Variants in LPIN2 observed in about 807,000 individuals in gnomAD.
LPIN2 encodes the protein lipin 2, also known as phosphatidate phosphatase LPIN2.
LPIN2 carries 55 observed loss-of-function variants against 111.4 expected under a neutral mutation model. The observed-to-expected ratio is 0.49, with a 90% CI of 0.40 to 0.62. The LOEUF (loss-of-function observed/expected upper bound fraction) is 0.62. Among genes scored for constraint, LPIN2 ranks in the 20% least tolerant of loss-of-function variants. LPIN2 has a pLI of 0.00. For missense variants in LPIN2, 992 were observed against 1,112.1 expected (o/e 0.89, Z 1.54); for synonymous variants, 425 against 414.0 (o/e 1.03, Z -0.32).
At chr18:2,968,503 T>C (rs550949413) in intron 1 of LPIN2, among the ~76,000 whole-genome samples, 1 of 152,252 alleles carries the variant, frequency 6.6e-6, no homozygotes, top group Non-Finnish European at 1.5e-5. Flanking sequence ...ATATAACAAA[T>C]ACTGTCTTAT....
chr18:2,948,287 CCAAGCCAG>C (rs2077484924), intron 4 of LPIN2: 1 of 152,204 alleles, frequency 6.6e-6, no homozygotes, highest in East Asian at 1.9e-4. Flanking sequence ...TGCCTGCTTA[CCAAGCCAG>C]CAAGCTGCTG....
At chr18:2,984,011 A>C (rs955040807) in intron 1 of LPIN2, among the ~76,000 whole-genome samples, 1 of 152,230 alleles carries the variant, frequency 6.6e-6, no homozygotes, top group Non-Finnish European at 1.5e-5. Context: ...TTAATTCATC[A>C]ACAATATACT....
intron 12 of LPIN2, among the ~76,000 whole-genome samples, chr18:2,927,436 C>A (rs1373547999): frequency 6.6e-6 from 1 of 152,198 alleles, no homozygotes; most frequent in Non-Finnish European, 1.5e-5. Context: ...TGGAGTCAGA[C>A]TCAAGGTCTT....
Position 2,966,089 on chromosome 18 carries a change from C to T in LPIN2, c.-9-5240G>A, listed in dbSNP as rs142307472. Reference sequence around the variant, plus strand: ...AAGCTGGGACTACAGGAATGTGCTACCATGCCCAGCTAATTCTTGTATTTT... The same window carrying T: ...AAGCTGGGACTACAGGAATGTGCTATCATGCCCAGCTAATTCTTGTATTTT... On this transcript the variant is annotated intron_variant, in intron 1 of 19. Transcript: ENST00000677752. Among the ~76,000 whole-genome samples the T allele has an allele frequency of 2.9e-3, 445 of 152,140 alleles. 3 individuals are homozygous for T. Among genetic ancestry groups the T allele is most frequent in the African/African-American group, 0.01 (435 of 41,492 alleles).
rs771517419 is a variant in LPIN2, at chr18:2,925,259, A to G, written c.1903T>C (p.Tyr635His). Reference sequence around the variant, plus strand: ...GAGGAGAGGCGGAGAGACTTCTTATATGAAGTTGTGCTGCCGTGGCTCAGG... The same window carrying G: ...GAGGAGAGGCGGAGAGACTTCTTATGTGAAGTTGTGCTGCCGTGGCTCAGG... ...EPLSHGSTTS[Y>H]KKSLRLSSDQ... The change falls in exon 14 of 20, where the codon TAT (tyrosine) becomes CAT (histidine). Residue 635 changes from tyrosine (Y) to histidine (H), a missense_variant. By Grantham distance (83) the Tyr-to-His change is moderately conservative. Transcript: ENST00000677752. The surrounding 1 kb of genome is among the most constrained non-coding windows in gnomAD (Gnocchi z 4.1). 6.2e-7 allele frequency: 1 copy of G among 1,614,152 alleles called. No homozygotes were observed. Among genetic ancestry groups the G allele is most frequent in the Non-Finnish European group, 8.5e-7 (1 of 1,180,028 alleles).
chr18:2,963,512 TTCC>T (rs1466100827), intron 1 of LPIN2, among the ~76,000 whole-genome samples: 4 of 151,986 alleles, frequency 2.6e-5, no homozygotes, highest in South Asian at 2.1e-4. Context: ...CTATAAACTA[TTCC>T]TCCTATTTTA....
At chr18:2,936,526 A>C (rs2077287732) in intron 7 of LPIN2, among the ~76,000 whole-genome samples, 2 of 152,194 alleles carry the variant, frequency 1.3e-5, no homozygotes, top group East Asian at 1.9e-4. Flanking sequence ...AGCTCACTGC[A>C]GTCGTGACCT....
intron 2 of LPIN2, among the ~76,000 whole-genome samples, chr18:2,955,929 C>T (rs2077604919): frequency 6.6e-6 from 1 of 151,928 alleles, no homozygotes; most frequent in Non-Finnish European, 1.5e-5. Context: ...GAAAAACAAA[C>T]AAAACAAAAC....
At chr18:3,002,766 A>G (rs676739) in intron 1 of LPIN2, among the ~76,000 whole-genome samples, 139,242 of 152,274 alleles carry the variant, frequency 0.91, 64,478 homozygotes, top group East Asian at 1. Flanking sequence ...CACATTAAAA[A>G]TATAAGCCCA....
In LPIN2 at chr18:2,960,244, T is replaced by C. The variant is rs558476403; in HGVS notation, c.192+405A>G. Among the ~76,000 whole-genome samples, 4 of 149,920 alleles carry C rather than the reference T, an allele frequency of 2.7e-5. No individual in the cohort carries two copies. In the East Asian group the frequency reaches 7.8e-4, roughly 29 times the overall value. On this transcript the variant is annotated intron_variant, in intron 2 of 19. Transcript: ENST00000677752. ...TTCTTGATTATACCCACCTATTCCA[T>C]TTACAATTAGTATGAAGGTATTAGC...
intron 4 of LPIN2, chr18:2,946,822 A>T: frequency 4.8e-6 from 2 of 419,882 alleles, no homozygotes; most frequent in South Asian, 4.3e-5. Flanking sequence ...CAGCAACCTT[A>T]GCACAGTACG....
Position 2,918,672 on chromosome 18 carries a change from CTG to C in LPIN2, c.*1619_*1620del, listed in dbSNP as rs2077005299. The C allele has an allele frequency of 6.6e-6, 1 of 152,192 alleles. No homozygotes were observed. Among genetic ancestry groups the C allele is most frequent in the African/African-American group, 2.4e-5 (1 of 41,426 alleles). The allele number at this position is 152,192 out of a possible 1,614,324, so 9.4% of individuals were successfully genotyped here. On this transcript the variant is annotated 3_prime_UTR_variant, in exon 20 of 20. Transcript: ENST00000677752. The stretch of plus-strand genomic sequence containing the variant: ...CCTTCCTAGGTTTTGCCACTGAGAA[CTG>C]TGTTTAGGGGATTTCAACATTGTCT...
In LPIN2 at chr18:2,931,287, C is replaced by G; in HGVS notation, c.1425G>C (p.Gly475=). The change falls in exon 9 of 20, where the codon GGG becomes GGC. Residue 475 remains glycine (G), a synonymous_variant. Coordinates refer to ENST00000677752, the MANE Select transcript of LPIN2 (RefSeq NM_001375808.2). ...DLPDVTLSLC[G]GLSENGEISK... is the part of the protein sequence containing the mutation. The stretch of plus-strand genomic sequence containing the variant: ...AAATTTCTCCATTTTCACTGAGGCC[C>G]CCGCAAAGGGAGAGGGTAACGTCAG... 6.2e-7 allele frequency: 1 copy of G among 1,614,164 alleles called. No homozygotes were observed. Among genetic ancestry groups the G allele is most frequent in the Non-Finnish European group, 8.5e-7 (1 of 1,180,042 alleles).
intron 2 of LPIN2, 133 bp downstream of exon 2, chr18:2,960,516 A>T: frequency 4.2e-6 from 2 of 477,626 alleles, no homozygotes; most frequent in Non-Finnish European, 6.9e-6. Context: ...ATTCAGGTTA[A>T]AAAAAAAAAA....
chr18:2,941,539 G>A (rs1351952623), intron 4 of LPIN2, among the ~76,000 whole-genome samples: 1 of 152,122 alleles, frequency 6.6e-6, no homozygotes, highest in African/African-American at 2.4e-5. Flanking sequence ...TCTTTACTTG[G>A]AAATTTATCA....
At chr18:2,958,762 A>G (rs2077662377) in intron 2 of LPIN2, among the ~76,000 whole-genome samples, 1 of 152,196 alleles carries the variant, frequency 6.6e-6, no homozygotes, top group African/African-American at 2.4e-5. Context: ...GCTTTTGCAC[A>G]GGAATTGTAT....
Position 2,934,374 on chromosome 18 carries a change from A to G in LPIN2, c.1245T>C (p.Val415=), listed in dbSNP as rs2077255511. The stretch of plus-strand genomic sequence containing the variant: ...ACCTTTTAGGGAAATAAAGAGCTGC[A>G]ACTTCAGGTTCTAGACCCTTTAAGT... ...LDDLKGLEPE[V]AALYFPKSES... is the part of the protein sequence containing the mutation. The change falls in exon 8 of 20, where the codon GTT becomes GTC. Residue 415 remains valine (V), a synonymous_variant. Transcript: ENST00000677752. 6.2e-7 allele frequency: 1 copy of G among 1,613,352 alleles called. No individual in the cohort carries two copies. The highest frequency in any genetic ancestry group is 1.7e-5 in the Admixed American group (1 of 60,006).
rs1003874232 is a variant in LPIN2 at position 2,918,515 on chromosome 18, A to G, written c.*1778T>C. 3 of 152,162 alleles carry G rather than the reference A, an allele frequency of 2.0e-5. No individual in the cohort carries two copies. The highest frequency in any genetic ancestry group is 4.4e-5 in the Non-Finnish European group (3 of 68,034). 9.4% of individuals were successfully genotyped at this position (152,162 alleles called of 1,614,324 possible). A position where few individuals can be genotyped will look rare whatever the true frequency, so the allele number is the denominator to read the frequency against. The stretch of plus-strand genomic sequence containing the variant: ...CACAAACTGGGAAGAACTTCATATA[A>G]ACAGAACCCAGGATCCCTAACCTAC... On this transcript the variant is annotated 3_prime_UTR_variant, in exon 20 of 20. Transcript: ENST00000677752.
rs912103998 is a variant in LPIN2, at chr18:2,917,895, A to C, written c.*2398T>G. On this transcript the variant is annotated 3_prime_UTR_variant, in exon 20 of 20. Transcript: ENST00000677752. ...CTCCCTGAGCCGTCACCCGTCACTG[A>C]AGATAGCGCGAGGGTGATGCTTCAA... The C allele has an allele frequency of 6.6e-6, 1 of 152,224 alleles. No homozygotes were observed. Among genetic ancestry groups the C allele is most frequent in the Non-Finnish European group, 1.5e-5 (1 of 68,046 alleles). 9.4% of individuals were successfully genotyped at this position (152,224 alleles called of 1,614,324 possible). A position where few individuals can be genotyped will look rare whatever the true frequency, so the allele number is the denominator to read the frequency against.
Sources: allele counts gnomAD v4.1 joint callset (sites outside exome capture counted in the v4.1 genomes callset), GRCh38; gene constraint gnomAD v4.1.1; non-coding constraint Gnocchi (gnomAD v3.1); transcripts MANE v1.5; gene names NCBI Gene and HGNC (gene_info 2026-07-23, HGNC 2026-07-21).